NECAB3: variants seen among roughly 807,000 people sequenced by gnomAD.
The protein encoded by NECAB3 is N-terminal EF-hand calcium binding protein 3.
A neutral mutation model predicts 57.2 loss-of-function variants in NECAB3; 38 were observed. That is an observed-to-expected ratio of 0.66 (90% CI 0.51 to 0.87). The LOEUF (loss-of-function observed/expected upper bound fraction) is 0.87, where lower values mean the gene tolerates loss of function less well. NECAB3 is among the 40% of genes least tolerant of loss of function. The probability of loss-of-function intolerance (pLI) is 0.00; values close to 1 mark genes in which losing one functional copy is unlikely to be tolerated. For synonymous variants in NECAB3, 223 were observed against 222.6 expected, an observed-to-expected ratio of 1.00 and a Z score of -0.02; for missense variants, 474 against 527.5, an observed-to-expected ratio of 0.90 and a Z score of 0.99.
intron 5 of NECAB3, chr20:33,668,212 C>T (rs777592799): frequency 1.8e-5 from 29 of 1,600,754 alleles, no homozygotes; most frequent in Non-Finnish European, 2.3e-5. Flanking sequence ...TGGCTCCAGG[C>T]TGCTGTACGA....
At chr20:33,658,438 C>T (rs200357748) in intron 10 of NECAB3, 39 bp downstream of exon 10, 31 of 1,599,448 alleles carry the variant, frequency 1.9e-5, no homozygotes, top group Admixed American at 5.0e-5. Flanking sequence ...ACTCCAGGGC[C>T]ACATTCCATG....
rs2017812858 is a variant in NECAB3 at position 33,670,774 on chromosome 20, A to G, written c.173T>C (p.Phe58Ser). 6.2e-7 allele frequency: 1 copy of G among 1,613,876 alleles called. No homozygotes were observed. The highest frequency in any genetic ancestry group is 8.5e-7 in the Non-Finnish European group (1 of 1,179,818). The stretch of plus-strand genomic sequence containing the variant: ...GGCAAAGTAATTCTGGAATTCCTCA[A>G]ATGAGAGCTTCCCATCATCTGGGGT... ...ADKNDDGKLSFEEFQNYFADG... is the reference protein window; with the variant it reads ...ADKNDDGKLSSEEFQNYFADG... Residue 58 changes from phenylalanine (F) to serine (S), a missense_variant, in exon 3 of 12, where the codon TTT (phenylalanine) becomes TCT (serine). Phe to Ser is a radical substitution (Grantham distance 155). Transcript: ENST00000246190.
chr20:33,669,953 A>G (rs1293863314), intron 3 of NECAB3, among the ~76,000 whole-genome samples: 1 of 152,208 alleles, frequency 6.6e-6, no homozygotes, highest in African/African-American at 2.4e-5. Flanking sequence ...TACCAAGAGG[A>G]TCTCAGGCCA....
At chr20:33,663,912 T>A in intron 5 of NECAB3, 4 of 1,355,426 alleles carry the variant, frequency 3.0e-6, no homozygotes, top group Non-Finnish European at 1.9e-6. Context: ...GTGGCAACCC[T>A]GGCGCCTGCG....
At chr20:33,667,684 G>A (rs868243886) in intron 5 of NECAB3, 2 of 1,611,838 alleles carry the variant, frequency 1.2e-6, no homozygotes, top group Non-Finnish European at 1.7e-6. Context: ...GCTGGTGGCG[G>A]CGAACCCTGA....
At chr20:33,674,761 T>A (rs1026549421), upstream of NECAB3, 8 of 152,420 alleles carry the variant, frequency 5.2e-5, no homozygotes, top group African/African-American at 1.9e-4. Flanking sequence ...AGACACCCTA[T>A]GCAATTGTTG....
In NECAB3 at chr20:33,660,294, C is replaced by T. The variant is rs767565816; in HGVS notation, c.489G>A (p.Ala163=). The change falls in exon 6 of 12, where the codon GCG becomes GCA. Residue 163 remains alanine (A), a synonymous_variant. Coordinates refer to ENST00000246190, the MANE Select transcript of NECAB3 (RefSeq NM_031232.4). The surrounding 1 kb of genome is among the most constrained non-coding windows in gnomAD (Gnocchi z 4.1). ...LQALQSSLEG[A]SDTLEAQAHG... is the part of the protein sequence containing the mutation. ...GGGCCTGGGCCTCCAGGGTATCTGACGCCCCCTCCAGCGAGCTCTGAAGGG... is the reference window on the plus strand; with the variant it reads ...GGGCCTGGGCCTCCAGGGTATCTGATGCCCCCTCCAGCGAGCTCTGAAGGG... 22 of 1,613,152 alleles carry T rather than the reference C, an allele frequency of 1.4e-5. No individual in the cohort carries two copies. The highest frequency in any genetic ancestry group is 6.7e-5 in the African/African-American group (5 of 74,934).
At position 33,659,869 on chromosome 20, in the gene NECAB3, C is replaced by T. The variant is rs1221032869; in HGVS notation, c.643+16G>A. On this transcript the variant is annotated intron_variant, in intron 7 of 11. Transcript: ENST00000246190. ...TGCCTGCCTCGGCCAGGCCTCCCAC[C>T]CCACCCCAGGCGCACCTGTGTCAGA... 1.3e-6 allele frequency: 2 copies of T among 1,541,658 alleles called. No homozygotes were observed. Among genetic ancestry groups the T allele is most frequent in the Non-Finnish European group, 1.7e-6 (2 of 1,146,634 alleles).
chr20:33,669,674 TG>T lies in NECAB3; in HGVS notation c.289+12del. On this transcript the variant is annotated intron_variant, in intron 4 of 11. Transcript: ENST00000246190. ...GGGCCACAGGAGAAAAGAGCTCCCA[TG>T]GGCCTACTCACCACACAGTTTTTCT... 2 of 1,591,758 alleles carry T rather than the reference TG, an allele frequency of 1.3e-6. No homozygotes were observed. Among genetic ancestry groups the T allele is most frequent in the Admixed American group, 1.8e-5 (1 of 55,840 alleles).
At position 33,668,014 on chromosome 20, in the gene NECAB3, C is replaced by T. The variant is rs768369361; in HGVS notation, c.387+1361G>A. 1.2e-5 allele frequency: 18 copies of T among 1,541,718 alleles called. No homozygotes were observed. The South Asian group carries it at 1.7e-4, about 14-fold the overall frequency. On this transcript the variant is annotated intron_variant, in intron 5 of 11. Coordinates refer to ENST00000246190, the MANE Select transcript of NECAB3 (RefSeq NM_031232.4). ...GCTAGCCGGCGGCTCCACACTGTTTCCTGGCTTCGCCGAGCGCCTGGACAA... is the reference window on the plus strand; with the variant it reads ...GCTAGCCGGCGGCTCCACACTGTTTTCTGGCTTCGCCGAGCGCCTGGACAA...
intron 5 of NECAB3, chr20:33,663,476 G>C (rs2017546104): frequency 1.3e-6 from 2 of 1,547,974 alleles, no homozygotes; most frequent in Non-Finnish European, 1.7e-6. Flanking sequence ...GCGGCCCCGG[G>C]TCGTGGGCTC....
Position 33,663,462 on chromosome 20 carries a change from CG to C in NECAB3, c.388-3068del, listed in dbSNP as rs1341637989. 2.0e-6 allele frequency: 3 copies of C among 1,501,270 alleles called. No homozygotes were observed. In the Admixed American group the frequency reaches 5.9e-5, roughly 29 times the overall value. 93.0% of individuals were successfully genotyped at this position (1,501,270 alleles called of 1,614,324 possible). On this transcript the variant is annotated intron_variant, in intron 5 of 11. Transcript: ENST00000246190. ...GTGGACGAGGGTCCCAGGAGAAGCG[CG>C]GAGCGGCCCCGGGTCGTGGGCTCGG... is the stretch of plus-strand genomic sequence containing the variant.
chr20:33,663,270 G>C, intron 5 of NECAB3: 1 of 545,426 alleles, frequency 1.8e-6, no homozygotes, highest in Non-Finnish European at 3.2e-6. Flanking sequence ...AGACGGAGCT[G>C]GTCTCAGGAA....
chr20:33,663,025 G>C (rs1364053366), intron 5 of NECAB3, among the ~76,000 whole-genome samples: 1 of 152,220 alleles, frequency 6.6e-6, no homozygotes, highest in East Asian at 1.9e-4. Context: ...GGGTGAGCAT[G>C]AGTGGGATTC....
intron 8 of NECAB3, 90 bp from the exon 9 acceptor site, chr20:33,658,924 CTGTT>C (rs1181435386): frequency 2.3e-5 from 21 of 907,126 alleles, no homozygotes; most frequent in Non-Finnish European, 3.0e-5. Flanking sequence ...AGCTGTTTTT[CTGTT>C]TGTTTGTTTT....
In NECAB3 at chr20:33,657,150, T is replaced by TG. The variant is rs2017313361; in HGVS notation, c.*678dup. The TG allele has an allele frequency of 2.6e-5, 4 of 152,646 alleles. No individual in the cohort carries two copies. In the South Asian group the frequency reaches 8.3e-4, roughly 32 times the overall value. 9.5% of individuals were successfully genotyped at this position (152,646 alleles called of 1,614,324 possible). A position where few individuals can be genotyped will look rare whatever the true frequency, so the allele number is the denominator to read the frequency against. ...TCCCAGCCTGGGGTTCAGAGGCCTC[T>TG]GGGGGCAATAGGTGACCCTGGACCC... On this transcript the variant is annotated 3_prime_UTR_variant, in exon 12 of 12. Transcript: ENST00000246190.
At chr20:33,663,470 C>CT in intron 5 of NECAB3, 2 of 1,524,192 alleles carry the variant, frequency 1.3e-6, no homozygotes, top group Admixed American at 3.8e-5. Flanking sequence ...CGCGGAGCGG[C>CT]CCCGGGTCGT....
At position 33,670,808 on chromosome 20, in the gene NECAB3, G is replaced by A; in HGVS notation, c.155-16C>T. On this transcript the variant is annotated splice_polypyrimidine_tract_variant and intron_variant, in intron 2 of 11. Transcript: ENST00000246190. Reference sequence around the variant, plus strand: ...TTCCCATCATCTGGGGTGGCAGGGGGAGGACAGGGAGCAGAGGAGGTATCC... The same window carrying A: ...TTCCCATCATCTGGGGTGGCAGGGGAAGGACAGGGAGCAGAGGAGGTATCC... The A allele has an allele frequency of 6.3e-7, 1 of 1,595,542 alleles. No homozygotes were observed. The highest frequency in any genetic ancestry group is 8.6e-7 in the Non-Finnish European group (1 of 1,163,778).
chr20:33,664,261 G>C (rs1002539055), intron 5 of NECAB3: 3 of 198,046 alleles, frequency 1.5e-5, no homozygotes, highest in African/African-American at 7.0e-5. Flanking sequence ...CCAGCATCCA[G>C]AAATCCCTCT....
Sources: gnomAD v4.1 joint callset for allele counts (sites outside exome capture counted in the v4.1 genomes callset) on GRCh38, gnomAD v4.1.1 for gene constraint, Gnocchi (gnomAD v3.1) non-coding constraint, MANE v1.5 for transcripts, NCBI Gene and HGNC (gene_info 2026-07-23, HGNC 2026-07-21) for gene names.